Variants in BCL7A observed in about 807,000 individuals in gnomAD.
BCL7A encodes BAF chromatin remodeling complex subunit BCL7A.
A neutral mutation model predicts 28.4 loss-of-function variants in BCL7A; 11 were observed. The ratio of observed to expected loss-of-function variants is 0.39; its 90% confidence interval spans 0.24 to 0.64. BCL7A has a LOEUF of 0.64. Among genes scored for constraint, BCL7A ranks in the 30% least tolerant of loss-of-function variants. BCL7A has a pLI of 0.50. For synonymous variants in BCL7A, 123 were observed against 103.3 expected (o/e 1.19, Z -1.15); for missense variants, 222 against 274.8 (o/e 0.81, Z 1.36).
chr12:122,027,810 C>CTGGG lies in BCL7A; in HGVS notation c.93-2889_93-2886dup, dbSNP rs1363450276. On this transcript the variant is annotated intron_variant, in intron 1 of 5. Transcript: ENST00000261822. ...CGAGATTGTGCCACTGCACTCCAGC[C>CTGGG]TGGGCCACAGAGCAGGAGTCCGTCT... Among the ~76,000 whole-genome samples, 11 of 129,788 alleles carry CTGGG rather than the reference C, an allele frequency of 8.5e-5. No homozygotes were observed. In the South Asian group the frequency reaches 1.3e-3, roughly 15 times the overall value. The allele number at this position is 129,788 out of a possible 152,430, so 85.1% of individuals were successfully genotyped here. A position where few individuals can be genotyped will look rare whatever the true frequency, so the allele number is the denominator to read the frequency against.
intron 2 of BCL7A, among the ~76,000 whole-genome samples, chr12:122,031,709 T>C (rs1883748987): frequency 6.6e-6 from 1 of 152,100 alleles, no homozygotes; most frequent in African/African-American, 2.4e-5. Flanking sequence ...GGGTCCCCGG[T>C]GCTAGGAAAG....
At chr12:122,031,366 G>GCTT (rs1393642077) in intron 2 of BCL7A, among the ~76,000 whole-genome samples, 1 of 152,088 alleles carries the variant, frequency 6.6e-6, no homozygotes, top group Admixed American at 6.5e-5. Flanking sequence ...CCCCCCCAGG[G>GCTT]CTTGGCACTG....
In BCL7A at chr12:122,049,033, A is replaced by ATATAT. The variant is rs1410918154; in HGVS notation, c.439+4980_439+4981insTATAT. Among the ~76,000 whole-genome samples the ATATAT allele has an allele frequency of 1.0e-4, 6 of 58,676 alleles. No individual in the cohort carries two copies. In the East Asian group the frequency reaches 1.5e-3, roughly 14 times the overall value. The allele number at this position is 58,676 out of a possible 152,430, so 38.5% of individuals were successfully genotyped here. A position where few individuals can be genotyped will look rare whatever the true frequency, so the allele number is the denominator to read the frequency against. ...TGAAACGTGTAAAAAAAAAAAAAAA[A>ATATAT]AAATATATATATATATATATACATA... On this transcript the variant is annotated intron_variant, in intron 4 of 5. Transcript: ENST00000261822.
intron 5 of BCL7A, among the ~76,000 whole-genome samples, chr12:122,058,800 G>A (rs1047403338): frequency 2.6e-5 from 4 of 152,210 alleles, no homozygotes; most frequent in African/African-American, 9.6e-5. Flanking sequence ...AGGGTCCAAG[G>A]CAGCAGTGTA....
At chr12:122,022,260 G>T in intron 1 of BCL7A, 77 bp downstream of exon 1, 1 of 876,480 alleles carries the variant, frequency 1.1e-6, no homozygotes, top group East Asian at 1.0e-4. Context: ...GCCGCGGGGC[G>T]CAGCGCCCCG....
chr12:122,057,945 T>C (rs1951889525), intron 5 of BCL7A, among the ~76,000 whole-genome samples: 1 of 151,582 alleles, frequency 6.6e-6, no homozygotes, highest in South Asian at 2.1e-4. Flanking sequence ...ATCCAAGCAG[T>C]TTGGGAGGCT....
At chr12:122,025,946 C>CAAAA (rs1204623444) in intron 1 of BCL7A, among the ~76,000 whole-genome samples, 107 of 107,996 alleles carry the variant, frequency 9.9e-4, no homozygotes, top group South Asian at 1.3e-3. Flanking sequence ...GACTCCATCT[C>CAAAA]AAAAAAAAAA....
intron 1 of BCL7A, among the ~76,000 whole-genome samples, chr12:122,022,991 G>A (rs1883505615): frequency 6.6e-6 from 1 of 152,286 alleles, no homozygotes; most frequent in African/African-American, 2.4e-5. Context: ...GCTCGTGTTT[G>A]TTTTGCGGAG....
chr12:122,041,239 C>T (rs531119610), intron 3 of BCL7A, among the ~76,000 whole-genome samples: 6 of 152,192 alleles, frequency 3.9e-5, no homozygotes, highest in Admixed American at 1.3e-4. Context: ...TTTCCCCCTC[C>T]GGAAAGTGAA....
chr12:122,039,577 G>C (rs900025102), intron 3 of BCL7A, among the ~76,000 whole-genome samples: 3 of 147,552 alleles, frequency 2.0e-5, no homozygotes, highest in African/African-American at 7.5e-5. Flanking sequence ...TTTTGGGCCA[G>C]GTGTGGTGGC....
intron 4 of BCL7A, among the ~76,000 whole-genome samples, chr12:122,048,490 G>A (rs532648663): frequency 6.6e-6 from 1 of 152,196 alleles, no homozygotes; most frequent in South Asian, 2.1e-4. Context: ...GTGGCTCATG[G>A]CTGTAATCCT....
intron 1 of BCL7A, among the ~76,000 whole-genome samples, chr12:122,022,766 G>A: frequency 6.6e-6 from 1 of 151,194 alleles, no homozygotes; most frequent in African/African-American, 2.4e-5. Flanking sequence ...TGCAGAGCGC[G>A]AGCCGTTTAA....
rs1043802075 is a variant in BCL7A, at chr12:122,046,905, T to G, written c.439+2852T>G. Among the ~76,000 whole-genome samples the G allele has an allele frequency of 4.4e-5, 6 of 136,632 alleles. 1 individual carries two copies. In the South Asian group the frequency reaches 9.2e-4, roughly 21 times the overall value. The allele number at this position is 136,632 out of a possible 152,430, so 89.6% of individuals were successfully genotyped here. On this transcript the variant is annotated intron_variant, in intron 4 of 5. Coordinates refer to ENST00000261822, the MANE Select transcript of BCL7A (RefSeq NM_001024808.3). ...AAGGAAAATTAAGATATTTCTTGGG[T>G]TTTTTTTTTTTTTTTCCAGACGGAG...
At chr12:122,048,774 C>T (rs1792731962) in intron 4 of BCL7A, among the ~76,000 whole-genome samples, 1 of 151,708 alleles carries the variant, frequency 6.6e-6, no homozygotes, top group Non-Finnish European at 1.5e-5. Flanking sequence ...AATCCCAGCA[C>T]TTTGGGAGGC....
chr12:122,040,071 A>G (rs183462899), intron 3 of BCL7A, among the ~76,000 whole-genome samples: 1 of 152,314 alleles, frequency 6.6e-6, no homozygotes, highest in Admixed American at 6.5e-5. Context: ...TGTGCCAAGT[A>G]TTGTGCTAAG....
At chr12:122,045,549 T>C (rs1475684084) in intron 4 of BCL7A, among the ~76,000 whole-genome samples, 1 of 151,960 alleles carries the variant, frequency 6.6e-6, no homozygotes, top group South Asian at 2.1e-4. Flanking sequence ...GATGGGGTGA[T>C]TGTGTGAGAG....
intron 4 of BCL7A, among the ~76,000 whole-genome samples, chr12:122,045,628 A>G (rs1884059333): frequency 6.6e-6 from 1 of 152,110 alleles, no homozygotes; most frequent in South Asian, 2.1e-4. Flanking sequence ...CTACAGAAAA[A>G]TTAAAAGAAT....
intron 3 of BCL7A, among the ~76,000 whole-genome samples, chr12:122,041,994 T>C (rs1222184563): frequency 3.3e-5 from 5 of 152,056 alleles, no homozygotes; most frequent in African/African-American, 1.2e-4. Flanking sequence ...TGAGAATCGC[T>C]TGAACCAGGA....
chr12:122,045,033 G>A (rs1444621916), intron 4 of BCL7A, among the ~76,000 whole-genome samples: 2 of 152,026 alleles, frequency 1.3e-5, no homozygotes, highest in African/African-American at 2.4e-5. Flanking sequence ...AAGCCATGTG[G>A]GGATCTGGGA....
Sources: gnomAD v4.1 joint callset for allele counts (sites outside exome capture counted in the v4.1 genomes callset) on GRCh38, gnomAD v4.1.1 for gene constraint, MANE v1.5 for transcripts, NCBI Gene and HGNC (gene_info 2026-07-23, HGNC 2026-07-21) for gene names.